The following THSD7B variants were observed in gnomAD, a reference collection of about 807,000 sequenced individuals.
The protein encoded by THSD7B is thrombospondin type 1 domain containing 7B, also known as thrombospondin type-1 domain-containing protein 7B.
Under a neutral mutation model 213.6 loss-of-function variants are expected in THSD7B, and 138 were observed. That is an observed-to-expected ratio of 0.65 (90% CI 0.56 to 0.74). THSD7B has a LOEUF of 0.74. THSD7B is among the 30% of genes least tolerant of loss of function. THSD7B has a pLI of 0.00. For synonymous variants in THSD7B, 742 were observed against 687.0 expected (o/e 1.08, Z -1.25); for missense variants, 1,931 against 1,991.5 (o/e 0.97, Z 0.58).
chr2:137,568,993 G>A (rs1198543803), intron 16 of THSD7B, among the ~76,000 whole-genome samples: 1 of 152,164 alleles, frequency 6.6e-6, no homozygotes, highest in South Asian at 2.1e-4. Flanking sequence ...ATTAAGGTGA[G>A]GACTTTGTGA....
intron 7 of THSD7B, among the ~76,000 whole-genome samples, chr2:137,193,279 T>A (rs2105016644): frequency 6.6e-6 from 1 of 152,358 alleles, no homozygotes; most frequent in Admixed American, 6.5e-5. Flanking sequence ...TGTATGAGTG[T>A]GTGTTTGTTC....
At chr2:136,805,093 G>GA (rs1239729250) in intron 1 of THSD7B, among the ~76,000 whole-genome samples, 6 of 152,058 alleles carry the variant, frequency 3.9e-5, no homozygotes, top group African/African-American at 7.2e-5. Context: ...CTTCACCCTA[G>GA]AAAAAATGCT....
intron 1 of THSD7B, among the ~76,000 whole-genome samples, chr2:136,793,460 A>T (rs768141361): frequency 5.3e-5 from 8 of 152,030 alleles, no homozygotes; most frequent in Non-Finnish European, 1.2e-4. Flanking sequence ...TAGTTCATAA[A>T]TATTTTTCCC....
At chr2:137,387,413 C>T (rs930680364) in intron 12 of THSD7B, among the ~76,000 whole-genome samples, 1 of 152,144 alleles carries the variant, frequency 6.6e-6, no homozygotes, top group East Asian at 1.9e-4. Flanking sequence ...TAATGAGATC[C>T]TTATAGAGCT....
chr2:137,248,432 T>C (rs2105070742), intron 10 of THSD7B, among the ~76,000 whole-genome samples: 2 of 152,294 alleles, frequency 1.3e-5, no homozygotes, highest in Middle Eastern at 3.4e-3. Context: ...AATGAATAAA[T>C]AGACACATCT....
chr2:137,639,935 C>T (rs1682907108), intron 20 of THSD7B, among the ~76,000 whole-genome samples: 1 of 152,096 alleles, frequency 6.6e-6, no homozygotes, highest in African/African-American at 2.4e-5. Context: ...AAGGGACTTG[C>T]CTTGTCTCAG....
intron 2 of THSD7B, among the ~76,000 whole-genome samples, chr2:136,973,119 A>G (rs1046783524): frequency 7.2e-5 from 11 of 152,178 alleles, no homozygotes; most frequent in Admixed American, 1.3e-4. Context: ...CTTTAAGGCA[A>G]GGAATCTTAG....
At chr2:137,011,292 C>T (rs1346588342) in intron 2 of THSD7B, among the ~76,000 whole-genome samples, 3 of 152,132 alleles carry the variant, frequency 2.0e-5, no homozygotes, top group Non-Finnish European at 1.5e-5. Flanking sequence ...CCTAAACATC[C>T]CCCTCTTTCC....
chr2:137,393,160 ATTT>A (rs577043200), intron 12 of THSD7B, among the ~76,000 whole-genome samples: 30,332 of 141,398 alleles, frequency 0.21, 3,206 homozygotes, highest in South Asian at 0.28. Context: ...TTTTTTTTTA[ATTT>A]TTTTTTTTTA....
At chr2:137,137,351 G>A (rs1330226843) in intron 5 of THSD7B, among the ~76,000 whole-genome samples, 1 of 152,062 alleles carries the variant, frequency 6.6e-6, no homozygotes, top group Non-Finnish European at 1.5e-5. Flanking sequence ...AGTTTATTCT[G>A]TTCTAGGATT....
At chr2:137,262,023 C>G (rs1489613638) in intron 10 of THSD7B, among the ~76,000 whole-genome samples, 1 of 151,822 alleles carries the variant, frequency 6.6e-6, no homozygotes, top group Non-Finnish European at 1.5e-5. Context: ...ATACACTTCA[C>G]TGTCCTGTAA....
chr2:136,940,157 C>G (rs1684796801), intron 2 of THSD7B, among the ~76,000 whole-genome samples: 1 of 152,018 alleles, frequency 6.6e-6, no homozygotes, highest in Admixed American at 6.6e-5. Context: ...AATTTCTCAT[C>G]CCTCACCCCC....
chr2:136,967,425 T>C (rs1368761301), intron 2 of THSD7B, among the ~76,000 whole-genome samples: 1 of 152,188 alleles, frequency 6.6e-6, no homozygotes, highest in African/African-American at 2.4e-5. Context: ...ATTAATTCTG[T>C]CTCATTTCTG....
At chr2:137,334,170 TTCTCTCTCTCTC>T (rs139280559) in intron 12 of THSD7B, among the ~76,000 whole-genome samples, 69 of 148,930 alleles carry the variant, frequency 4.6e-4, no homozygotes, top group East Asian at 2.2e-3. Flanking sequence ...CTTTCTCTCT[TTCTCTCTCTCTC>T]TCTCTCTCTC....
At chr2:137,329,811 G>A (rs1261445639) in intron 12 of THSD7B, among the ~76,000 whole-genome samples, 4 of 152,216 alleles carry the variant, frequency 2.6e-5, no homozygotes, top group South Asian at 2.1e-4. Flanking sequence ...CATAAGTAAT[G>A]AGGAGTCGAA....
intron 1 of THSD7B, among the ~76,000 whole-genome samples, chr2:136,768,415 A>G (rs1390576676): frequency 6.6e-6 from 1 of 152,234 alleles, no homozygotes; most frequent in Admixed American, 6.5e-5. Flanking sequence ...AGTCTTGCCA[A>G]AACTTCAATT....
At chr2:136,824,734 G>C (rs978129501) in intron 1 of THSD7B, among the ~76,000 whole-genome samples, 2 of 152,162 alleles carry the variant, frequency 1.3e-5, no homozygotes, top group Non-Finnish European at 2.9e-5. Context: ...GATGAGATCA[G>C]AATCAACTGT....
At chr2:136,944,908 T>C (rs1684907027) in intron 2 of THSD7B, among the ~76,000 whole-genome samples, 1 of 152,220 alleles carries the variant, frequency 6.6e-6, no homozygotes, top group South Asian at 2.1e-4. Flanking sequence ...AATATTGTTA[T>C]GTGTGAATCT....
At chr2:137,597,533 G>T (rs1416967621) in intron 17 of THSD7B, among the ~76,000 whole-genome samples, 1 of 151,360 alleles carries the variant, frequency 6.6e-6, no homozygotes, top group Admixed American at 6.6e-5. Flanking sequence ...CTGGAATCGT[G>T]GGAAGAATGG....
Sources: allele counts gnomAD v4.1 joint callset (sites outside exome capture counted in the v4.1 genomes callset), GRCh38; gene constraint gnomAD v4.1.1; transcripts MANE v1.5; gene names NCBI Gene and HGNC (gene_info 2026-07-23, HGNC 2026-07-21).